Variants in PTPRD observed in about 807,000 individuals in gnomAD.
PTPRD encodes the protein protein tyrosine phosphatase receptor type D, also known as receptor-type tyrosine-protein phosphatase delta.
PTPRD carries 34 observed loss-of-function variants against 214.5 expected under a neutral mutation model. The observed-to-expected ratio is 0.16, with a 90% CI of 0.12 to 0.21. The LOEUF (loss-of-function observed/expected upper bound fraction) is 0.21, where lower values mean the gene tolerates loss of function less well. Ranked by LOEUF, PTPRD falls within the 10% of genes least tolerant of loss-of-function variation. The probability of loss-of-function intolerance (pLI) is 1.00; values close to 1 mark genes in which losing one functional copy is unlikely to be tolerated. For synonymous variants in PTPRD, 1,128 were observed against 845.7 expected (o/e 1.33, Z -5.79); for missense variants, 2,545 against 2,398.7 (o/e 1.06, Z -1.27).
intron 3 of PTPRD, among the ~76,000 whole-genome samples, chr9:10,170,496 G>A (rs2099195106): frequency 6.6e-6 from 1 of 152,076 alleles, no homozygotes; most frequent in Admixed American, 6.5e-5. Flanking sequence ...TCGGCTCCTG[G>A]CTAACACGGT....
At chr9:8,717,634 A>G (rs1464606880) in intron 12 of PTPRD, among the ~76,000 whole-genome samples, 5 of 152,212 alleles carry the variant, frequency 3.3e-5, no homozygotes, top group Non-Finnish European at 7.3e-5. Flanking sequence ...TCACTTGAGA[A>G]TAAACTGAGG....
chr9:10,429,649 A>T (rs1681497939), intron 2 of PTPRD, among the ~76,000 whole-genome samples: 3 of 151,712 alleles, frequency 2.0e-5, no homozygotes, highest in Non-Finnish European at 2.9e-5. Flanking sequence ...GCATATAATG[A>T]CAGATAATAT....
intron 36 of PTPRD, 78 bp from the exon 37 acceptor site, chr9:8,389,485 T>A (rs2135681037): frequency 1.8e-6 from 2 of 1,111,044 alleles, no homozygotes; most frequent in South Asian, 3.3e-5. Context: ...CTAATGGCAG[T>A]GCTATCTTAC....
chr9:9,817,135 T>A (rs1470535490), intron 5 of PTPRD, among the ~76,000 whole-genome samples: 2 of 152,082 alleles, frequency 1.3e-5, no homozygotes, highest in Non-Finnish European at 2.9e-5. Flanking sequence ...CAAAAATGAA[T>A]CATGAGGGAG....
intron 10 of PTPRD, among the ~76,000 whole-genome samples, chr9:9,035,477 G>C (rs1716820843): frequency 6.6e-6 from 1 of 151,964 alleles, no homozygotes; most frequent in Admixed American, 6.6e-5. Flanking sequence ...TTTTCCATGG[G>C]AAGGCAGGAG....
intron 39 of PTPRD, among the ~76,000 whole-genome samples, chr9:8,354,491 C>G (rs2076476936): frequency 6.6e-6 from 1 of 152,196 alleles, no homozygotes; most frequent in South Asian, 2.1e-4. Context: ...TTCTTCTAAT[C>G]TGCTTCAAGA....
At chr9:10,458,373 A>G (rs1442654242) in intron 2 of PTPRD, among the ~76,000 whole-genome samples, 1 of 152,208 alleles carries the variant, frequency 6.6e-6, no homozygotes, top group African/African-American at 2.4e-5. Context: ...ATCCTTATCT[A>G]AAAGGTTGTT....
At chr9:10,149,921 G>A (rs2099049248) in intron 3 of PTPRD, among the ~76,000 whole-genome samples, 2 of 151,768 alleles carry the variant, frequency 1.3e-5, no homozygotes, top group Admixed American at 1.3e-4. Flanking sequence ...AGTAGAGATG[G>A]GGTTTCACCA....
chr9:10,574,813 C>G (rs201111785), intron 2 of PTPRD, among the ~76,000 whole-genome samples: 4 of 136,348 alleles, frequency 2.9e-5, no homozygotes. Flanking sequence ...TATGTGTGTG[C>G]ATATATATAT....
At position 10,259,998 on chromosome 9, in the gene PTPRD, C is replaced by G. The variant is rs553599175; in HGVS notation, c.-545+80965G>C. Among the ~76,000 whole-genome samples the G allele has an allele frequency of 1.8e-3, 270 of 152,322 alleles. 1 individual carries two copies. Among genetic ancestry groups the G allele is most frequent in the South Asian group, 0.018 (85 of 4,818 alleles). On this transcript the variant is annotated intron_variant, in intron 3 of 45. Coordinates refer to ENST00000381196, the MANE Select transcript of PTPRD (RefSeq NM_002839.4). ...AGTTCATCTCAGGTTCTGAGACAGT[C>G]CACACCACTCTCTGCCTCCGGCTAG...
At chr9:9,747,532 C>CTTTT (rs1564945514) in intron 6 of PTPRD, among the ~76,000 whole-genome samples, 2 of 104,580 alleles carry the variant, frequency 1.9e-5, no homozygotes, top group Non-Finnish European at 1.8e-5. Context: ...GTGACTGAAT[C>CTTTT]TTTTTTGTTT....
intron 12 of PTPRD, among the ~76,000 whole-genome samples, chr9:8,680,693 C>CA (rs1278503640): frequency 6.6e-6 from 1 of 152,168 alleles, no homozygotes; most frequent in Non-Finnish European, 1.5e-5. Flanking sequence ...AACACACATA[C>CA]ACACATAAAT....
At chr9:10,318,176 T>C (rs1299308402) in intron 3 of PTPRD, among the ~76,000 whole-genome samples, 1 of 152,048 alleles carries the variant, frequency 6.6e-6, no homozygotes, top group African/African-American at 2.4e-5. Flanking sequence ...TCCTTCTGTT[T>C]ACATCCATGA....
At chr9:9,804,534 T>C (rs1303655797) in intron 5 of PTPRD, among the ~76,000 whole-genome samples, 1 of 152,182 alleles carries the variant, frequency 6.6e-6, no homozygotes, top group African/African-American at 2.4e-5. Context: ...TTATCTTTCC[T>C]TAACTCTTTT....
intron 12 of PTPRD, among the ~76,000 whole-genome samples, chr9:8,711,042 A>T (rs973023949): frequency 4.6e-5 from 7 of 152,146 alleles, no homozygotes; most frequent in Non-Finnish European, 1.5e-5. Context: ...ACTTTATTTT[A>T]ATGTCAGATA....
At chr9:9,909,448 TA>T (rs1386107372) in intron 5 of PTPRD, among the ~76,000 whole-genome samples, 1 of 127,744 alleles carries the variant, frequency 7.8e-6, no homozygotes, top group Non-Finnish European at 1.6e-5. Flanking sequence ...GCAAATTTAT[TA>T]AAAATGACAG....
At chr9:10,517,707 A>G (rs1271614209) in intron 2 of PTPRD, among the ~76,000 whole-genome samples, 1 of 152,102 alleles carries the variant, frequency 6.6e-6, no homozygotes, top group African/African-American at 2.4e-5. Context: ...TATTGCAGTT[A>G]CTGGTGAGAG....
intron 11 of PTPRD, among the ~76,000 whole-genome samples, chr9:8,913,198 G>A (rs1412686945): frequency 6.6e-6 from 1 of 151,972 alleles, no homozygotes; most frequent in Non-Finnish European, 1.5e-5. Flanking sequence ...CCTTGTGTGT[G>A]TTTGCAATAA....
At chr9:10,528,686 C>A (rs1048017740) in intron 2 of PTPRD, among the ~76,000 whole-genome samples, 1 of 152,134 alleles carries the variant, frequency 6.6e-6, no homozygotes, top group Non-Finnish European at 1.5e-5. Flanking sequence ...GTAATTTGGG[C>A]ATTAATTAAC....
Sources: allele counts gnomAD v4.1 joint callset (sites outside exome capture counted in the v4.1 genomes callset), GRCh38; gene constraint gnomAD v4.1.1; transcripts MANE v1.5; gene names NCBI Gene and HGNC (gene_info 2026-07-23, HGNC 2026-07-21).